The following FNDC3A variants were observed in gnomAD, a reference collection of about 807,000 sequenced individuals.
The protein encoded by FNDC3A is fibronectin type-III domain-containing protein 3A.
A neutral mutation model predicts 148.9 loss-of-function variants in FNDC3A; 32 were observed. The observed-to-expected ratio is 0.21, with a 90% confidence interval of 0.16 to 0.29. FNDC3A has a LOEUF of 0.29. Among genes scored for constraint, FNDC3A ranks in the 10% least tolerant of loss-of-function variants. The pLI, the probability that FNDC3A is intolerant of heterozygous loss-of-function variation, is 1.00. For synonymous variants in FNDC3A, 472 were observed against 473.6 expected (o/e 1.00, Z 0.04); for missense variants, 1,191 against 1,452.8 (o/e 0.82, Z 2.93).
In FNDC3A at chr13:48,987,351, T is replaced by C. The variant is rs147595243; in HGVS notation, c.-40+11174T>C. ...GGTTCGTTTCTTGGAAGCAGTTCTTTCTCTCTTGTTTCCATAGTTTCCTGA... is the reference window on the plus strand; with the variant it reads ...GGTTCGTTTCTTGGAAGCAGTTCTTCCTCTCTTGTTTCCATAGTTTCCTGA... On this transcript the variant is annotated intron_variant, in intron 1 of 25. Transcript: ENST00000492622. Among the ~76,000 whole-genome samples, 36 of 152,364 alleles carry C rather than the reference T, an allele frequency of 2.4e-4. No individual in the cohort carries two copies. The East Asian group carries it at 6.9e-3, about 29-fold the overall frequency.
At chr13:49,109,664 T>C (rs1880420371) in intron 3 of FNDC3A, among the ~76,000 whole-genome samples, 1 of 152,206 alleles carries the variant, frequency 6.6e-6, no homozygotes. Context: ...CTTTTCAGAT[T>C]CGTGGATATG....
At chr13:49,014,522 T>C (rs1290261014) in intron 2 of FNDC3A, among the ~76,000 whole-genome samples, 16 of 142,800 alleles carry the variant, frequency 1.1e-4, no homozygotes, top group South Asian at 4.7e-4. Flanking sequence ...GAGTAGGTTG[T>C]GAAAATTTTC....
chr13:49,001,006 T>C (rs959780521), intron 1 of FNDC3A, among the ~76,000 whole-genome samples: 12 of 151,858 alleles, frequency 7.9e-5, no homozygotes, highest in Admixed American at 3.3e-4. Context: ...GTTTTCTACC[T>C]ATAAGATTAT....
intron 3 of FNDC3A, among the ~76,000 whole-genome samples, chr13:49,113,556 T>G (rs1880724468): frequency 6.6e-6 from 1 of 152,186 alleles, no homozygotes; most frequent in Non-Finnish European, 1.5e-5. Flanking sequence ...CTACCCTACA[T>G]TTGAGCTTTT....
At chr13:49,182,350 G>C (rs1244279264) in intron 14 of FNDC3A, among the ~76,000 whole-genome samples, 2 of 152,058 alleles carry the variant, frequency 1.3e-5, no homozygotes. Flanking sequence ...TTAAAATTAA[G>C]AGTTATAAGC....
intron 8 of FNDC3A, among the ~76,000 whole-genome samples, chr13:49,148,690 A>G (rs1312596453): frequency 1.3e-5 from 2 of 152,018 alleles, no homozygotes; most frequent in Non-Finnish European, 2.9e-5. Flanking sequence ...TATTCAGGCT[A>G]TTTTTTGGTT....
intron 1 of FNDC3A, among the ~76,000 whole-genome samples, chr13:49,000,964 TTGTGTG>T (rs149236388): frequency 6.7e-6 from 1 of 150,006 alleles, no homozygotes; most frequent in East Asian, 1.9e-4. Context: ...TTTTGTGTGT[TTGTGTG>T]TGTGTGTGTG....
At chr13:48,990,588 CA>C (rs58007137) in intron 1 of FNDC3A, among the ~76,000 whole-genome samples, 1 of 58,118 alleles carries the variant, frequency 1.7e-5, no homozygotes. Context: ...CCTGTCTCTC[CA>C]AAAAAAAAAA....
chr13:49,131,004 A>C (rs1881995353), intron 4 of FNDC3A, 133 bp from the exon 5 acceptor site: 16 of 669,318 alleles, frequency 2.4e-5, no homozygotes, highest in Non-Finnish European at 3.7e-5. Context: ...GACCCTAGGT[A>C]ATCCACCTGC....
Position 49,150,353 on chromosome 13 carries a change from C to A in FNDC3A, c.977+4418C>A, listed in dbSNP as rs1883219253. 2.0e-5 allele frequency among the ~76,000 whole-genome samples: 3 copies of A among 152,088 alleles called. No homozygotes were observed. In the South Asian group the frequency reaches 6.2e-4, roughly 32 times the overall value. ...TTTGTAGTTCTTGAGATGTGCATTG[C>A]TAGATTGTTTATTTAGACTCTTTAA... On this transcript the variant is annotated intron_variant, in intron 8 of 25. Coordinates refer to ENST00000492622, the MANE Select transcript of FNDC3A (RefSeq NM_001079673.2).
chr13:49,034,111 T>C (rs9526521), intron 2 of FNDC3A, among the ~76,000 whole-genome samples: 94,149 of 151,712 alleles, frequency 0.62, 29,860 homozygotes, highest in Non-Finnish European at 0.68. Context: ...GTCTTTAAAA[T>C]GCTGTTTTTC....
At chr13:49,102,318 T>A (rs138668001) in intron 3 of FNDC3A, among the ~76,000 whole-genome samples, 1 of 152,310 alleles carries the variant, frequency 6.6e-6, no homozygotes, top group African/African-American at 2.4e-5. Context: ...TTGTTTTCCA[T>A]ATAATATCCC....
chr13:49,173,091 G>A (rs1884845815), intron 11 of FNDC3A, among the ~76,000 whole-genome samples: 1 of 152,132 alleles, frequency 6.6e-6, no homozygotes, highest in South Asian at 2.1e-4. Flanking sequence ...ATTCAAAGCT[G>A]TCCTGGGCCG....
upstream of FNDC3A, chr13:48,975,697 C>T (rs901394514): frequency 2.6e-5 from 4 of 152,240 alleles, no homozygotes; most frequent in Non-Finnish European, 5.9e-5. Flanking sequence ...CGCAGCCGGG[C>T]CTCGGGAGAA....
intron 1 of FNDC3A, among the ~76,000 whole-genome samples, chr13:48,981,403 T>C (rs939955237): frequency 1.3e-5 from 2 of 152,026 alleles, no homozygotes; most frequent in African/African-American, 4.8e-5. Context: ...CACAGAGATG[T>C]TGGAAACTAT....
At chr13:49,205,026 A>G (rs775780591) in intron 25 of FNDC3A, among the ~76,000 whole-genome samples, 34 of 152,090 alleles carry the variant, frequency 2.2e-4, no homozygotes, top group Non-Finnish European at 3.8e-4. Flanking sequence ...GGGCCTCATC[A>G]CTTTTTACAT....
intron 14 of FNDC3A, among the ~76,000 whole-genome samples, chr13:49,182,628 C>G (rs1234168187): frequency 6.6e-6 from 1 of 151,752 alleles, no homozygotes; most frequent in African/African-American, 2.4e-5. Flanking sequence ...CCTTTAGATA[C>G]TTTCACTTTC....
chr13:49,085,876 C>CTT (rs111913275), intron 3 of FNDC3A, among the ~76,000 whole-genome samples: 43 of 134,604 alleles, frequency 3.2e-4, no homozygotes, highest in Middle Eastern at 3.9e-3. Context: ...CCCATCCATC[C>CTT]TTTTTTTTTT....
chr13:49,182,540 T>G (rs1223454345), intron 14 of FNDC3A, among the ~76,000 whole-genome samples: 1 of 152,046 alleles, frequency 6.6e-6, no homozygotes, highest in African/African-American at 2.4e-5. Flanking sequence ...TTCTGGGATT[T>G]TTTTTTCTTT....
Sources: gnomAD v4.1 joint callset for allele counts (sites outside exome capture counted in the v4.1 genomes callset) on GRCh38, gnomAD v4.1.1 for gene constraint, MANE v1.5 for transcripts, NCBI Gene and HGNC (gene_info 2026-07-23, HGNC 2026-07-21) for gene names.